Variants in CELF2 observed in about 807,000 individuals in gnomAD.
CELF2 encodes CUGBP Elav-like family member 2.
A neutral mutation model predicts 62.6 loss-of-function variants in CELF2; 8 were observed. The ratio of observed to expected loss-of-function variants is 0.13; its 90% CI spans 0.07 to 0.23. CELF2 has a LOEUF of 0.23. Ranked by LOEUF, CELF2 falls within the 10% of genes least tolerant of loss-of-function variation. The probability of loss-of-function intolerance (pLI) is 1.00; values close to 1 mark genes in which losing one functional copy is unlikely to be tolerated. For missense variants in CELF2, 333 were observed against 671.0 expected (o/e 0.50, Z 5.56); for synonymous variants, 258 against 250.0 (o/e 1.03, Z -0.30).
At chr10:10,560,804 G>GAT in the CELF2 span, among the ~76,000 whole-genome samples, 8 of 152,006 alleles carry the variant, frequency 5.3e-5, no homozygotes, top group South Asian at 2.1e-4. Flanking sequence ...AAAAAACTCT[G>GAT]ATATATATAT....
At chr10:10,519,821 G>C in the CELF2 span, among the ~76,000 whole-genome samples, 1 of 152,224 alleles carries the variant, frequency 6.6e-6, no homozygotes, top group African/African-American at 2.4e-5. Context: ...ATGGGGAAGG[G>C]TTAAGGCTGT....
rs1297624777 is a variant in CELF2 at position 11,011,654 on chromosome 10, C to T, written c.53+6214C>T. 3.4e-5 allele frequency among the ~76,000 whole-genome samples: 5 copies of T among 146,880 alleles called. No homozygotes were observed. Among genetic ancestry groups the T allele is most frequent in the African/African-American group, 1.1e-4 (4 of 36,796 alleles). ...AGGTCACATGACACTTTGTACTCAG[C>T]GATAGTGGTAGGACAAGATAGAACA... On this transcript the variant is annotated intron_variant, in intron 1 of 12. Transcript: ENST00000416382. This position sits in a 1 kb window ranked among gnomAD's most constrained non-coding sequence, Gnocchi z 4.6.
intron 8 of CELF2, among the ~76,000 whole-genome samples, chr10:11,277,454 T>C (rs2086580102): frequency 6.6e-6 from 1 of 152,222 alleles, no homozygotes; most frequent in Non-Finnish European, 1.5e-5. Flanking sequence ...GGATACTCTG[T>C]GGATACTCTT....
chr10:11,182,808 A>G (rs933458827), intron 2 of CELF2, among the ~76,000 whole-genome samples: 2 of 152,156 alleles, frequency 1.3e-5, no homozygotes, highest in Admixed American at 6.5e-5. Flanking sequence ...TTGTCGCCCA[A>G]TCTCAGAAGC....
At chr10:11,022,154 A>G (rs1000727925) in intron 1 of CELF2, among the ~76,000 whole-genome samples, 2 of 152,244 alleles carry the variant, frequency 1.3e-5, no homozygotes, top group African/African-American at 2.4e-5. Context: ...AATTAAAATG[A>G]GAAAAGTCTA....
the CELF2 span, among the ~76,000 whole-genome samples, chr10:10,626,524 A>G: frequency 6.6e-6 from 1 of 152,316 alleles, no homozygotes; most frequent in Middle Eastern, 3.4e-3. Flanking sequence ...AGAAAAAAAA[A>G]AGATTACAAA....
chr10:10,681,200 A>C, the CELF2 span, among the ~76,000 whole-genome samples: 1 of 152,160 alleles, frequency 6.6e-6, no homozygotes, highest in Non-Finnish European at 1.5e-5. Flanking sequence ...CCATTTATTC[A>C]TGTTTATATC....
upstream of CELF2, among the ~76,000 whole-genome samples, chr10:11,004,418 C>T (rs376774416): frequency 4.6e-3 from 656 of 143,062 alleles, 6 homozygotes; most frequent in African/African-American, 0.018. This position sits in a 1 kb window ranked among gnomAD's most constrained non-coding sequence, Gnocchi z 5.0. Flanking sequence ...TGTGTGTGCG[C>T]GCGCGTGTGT....
At position 11,177,524 on chromosome 10, in the gene CELF2, A is replaced by G. The variant is rs141563844; in HGVS notation, c.271+11842A>G. Among the ~76,000 whole-genome samples, 29 of 152,258 alleles carry G rather than the reference A, an allele frequency of 1.9e-4. No individual in the cohort carries two copies. Among genetic ancestry groups the G allele is most frequent in the African/African-American group, 5.8e-4 (24 of 41,552 alleles). On this transcript the variant is annotated intron_variant, in intron 2 of 12. Transcript: ENST00000633077. This position sits in a 1 kb window ranked among gnomAD's most constrained non-coding sequence, Gnocchi z 4.8. Reference sequence around the variant, plus strand: ...AGTGAAGAAATGTTGCTTAATTTGTACACTTCCCTGCAGTGCTGGAAATGG... The same window carrying G: ...AGTGAAGAAATGTTGCTTAATTTGTGCACTTCCCTGCAGTGCTGGAAATGG...
At chr10:10,761,856 G>GGGACTT in the CELF2 span, among the ~76,000 whole-genome samples, 1 of 151,166 alleles carries the variant, frequency 6.6e-6, no homozygotes. Flanking sequence ...TACAGATCTG[G>GGGACTT]GGACTTCTCA....
chr10:10,825,590 T>A (rs1416731006), intron 1 of CELF2, among the ~76,000 whole-genome samples: 2 of 152,202 alleles, frequency 1.3e-5, no homozygotes, highest in Admixed American at 6.5e-5. Context: ...AAAGCTAATA[T>A]TTGCACATGT....
At chr10:10,890,654 C>T (rs998122592) in intron 1 of CELF2, among the ~76,000 whole-genome samples, 2 of 152,186 alleles carry the variant, frequency 1.3e-5, no homozygotes, top group East Asian at 3.9e-4. Flanking sequence ...TTTAGTTGTT[C>T]TCCACATCCA....
At chr10:10,487,070 C>T in the CELF2 span, among the ~76,000 whole-genome samples, 1 of 152,152 alleles carries the variant, frequency 6.6e-6, no homozygotes, top group South Asian at 2.1e-4. Flanking sequence ...TTAAAGGTAT[C>T]AGGACAAGTA....
rs1009424135 is a variant in CELF2 at position 10,850,524 on chromosome 10, T to A, written c.53+51707T>A. Among the ~76,000 whole-genome samples the A allele has an allele frequency of 2.6e-5, 4 of 152,180 alleles. No homozygotes were observed. In the East Asian group the frequency reaches 7.7e-4, roughly 29 times the overall value. On this transcript the variant is annotated intron_variant, in intron 1 of 13. Coordinates refer to the CELF2 transcript ENST00000636488. Reference sequence around the variant, plus strand: ...CTTTAACCACGAAAGAATCTGGAAATGCAAGTGTTTCAGCTTCCTCCTTGG... The same window carrying A: ...CTTTAACCACGAAAGAATCTGGAAAAGCAAGTGTTTCAGCTTCCTCCTTGG...
chr10:10,711,638 T>C, the CELF2 span, among the ~76,000 whole-genome samples: 2 of 152,204 alleles, frequency 1.3e-5, no homozygotes, highest in Non-Finnish European at 1.5e-5. Context: ...TCCTAGCATT[T>C]TGGGAGGCTG....
intron 2 of CELF2, among the ~76,000 whole-genome samples, chr10:10,959,408 G>A (rs1458276021): frequency 1.3e-5 from 2 of 152,194 alleles, no homozygotes; most frequent in Non-Finnish European, 2.9e-5. Context: ...TATATATGGT[G>A]TACTCCCTTT....
At chr10:10,606,929 C>A in the CELF2 span, among the ~76,000 whole-genome samples, 1 of 152,072 alleles carries the variant, frequency 6.6e-6, no homozygotes, top group East Asian at 1.9e-4. Flanking sequence ...CCTGTGTACC[C>A]TGGGGTAAGG....
intron 1 of CELF2, among the ~76,000 whole-genome samples, chr10:11,130,168 T>C (rs1307231089): frequency 2.0e-5 from 3 of 152,240 alleles, no homozygotes; most frequent in Non-Finnish European, 4.4e-5. Context: ...TCAATTTCCA[T>C]GTAGTTGTGT....
intron 8 of CELF2, among the ~76,000 whole-genome samples, chr10:11,278,947 G>A (rs2139094752): frequency 6.6e-6 from 1 of 152,296 alleles, no homozygotes; most frequent in Middle Eastern, 3.4e-3. Flanking sequence ...GCTCACTGAT[G>A]CAAACCCAGG....
Sources: allele counts gnomAD v4.1 joint callset (sites outside exome capture counted in the v4.1 genomes callset), GRCh38; gene constraint gnomAD v4.1.1; non-coding constraint Gnocchi (gnomAD v3.1); transcripts MANE v1.5; gene names NCBI Gene and HGNC (gene_info 2026-07-23, HGNC 2026-07-21).